TLN2: variants seen among roughly 807,000 people sequenced by gnomAD.
TLN2 encodes the protein talin-2.
In TLN2, 118 loss-of-function variants were observed where a neutral mutation model predicts 294.7. The ratio of observed to expected loss-of-function variants is 0.40; its 90% CI spans 0.34 to 0.47. The LOEUF (loss-of-function observed/expected upper bound fraction) is 0.47. Among genes scored for constraint, TLN2 ranks in the 20% least tolerant of loss-of-function variants. The pLI, the probability that TLN2 is intolerant of heterozygous loss-of-function variation, is 0.84. For synonymous variants in TLN2, 1,431 were observed against 1,304.5 expected (o/e 1.10, Z -2.09); for missense variants, 3,083 against 3,282.2 (o/e 0.94, Z 1.48).
At chr15:62,449,248 A>G (rs1463552173) in intron 1 of TLN2, among the ~76,000 whole-genome samples, 4 of 152,116 alleles carry the variant, frequency 2.6e-5, no homozygotes, top group Non-Finnish European at 4.4e-5. Context: ...GTCTGGGGCT[A>G]TAATTCCTCC....
At chr15:62,674,293 G>T (rs752774604) in intron 10 of TLN2, among the ~76,000 whole-genome samples, 2 of 152,116 alleles carry the variant, frequency 1.3e-5, no homozygotes, top group Non-Finnish European at 2.9e-5. Context: ...AAAAGTCAGA[G>T]ACTTGTCCAG....
intron 1 of TLN2, among the ~76,000 whole-genome samples, chr15:62,537,936 C>T (rs2041456153): frequency 2.0e-5 from 3 of 152,148 alleles, no homozygotes; most frequent in South Asian, 4.1e-4. Flanking sequence ...AGAGCAGCAG[C>T]CTTGGCTGGT....
At chr15:62,770,102 C>T (rs1214499954) in intron 41 of TLN2, among the ~76,000 whole-genome samples, 1 of 152,206 alleles carries the variant, frequency 6.6e-6, no homozygotes, top group Admixed American at 6.5e-5. Flanking sequence ...AGAGCCAGGG[C>T]TGTGGGGTGG....
intron 1 of TLN2, among the ~76,000 whole-genome samples, chr15:62,579,534 C>G (rs962006693): frequency 1.3e-5 from 2 of 152,180 alleles, no homozygotes; most frequent in Admixed American, 6.5e-5. Context: ...ACTCACAGTA[C>G]ACTTTGATTG....
At chr15:62,837,277 C>T (rs2069795415) in intron 57 of TLN2, among the ~76,000 whole-genome samples, 2 of 152,174 alleles carry the variant, frequency 1.3e-5, no homozygotes, top group South Asian at 4.1e-4. Context: ...TGAGGAGCTG[C>T]ATGTTCGTTT....
intron 1 of TLN2, among the ~76,000 whole-genome samples, chr15:62,513,966 C>A (rs551804310): frequency 6.6e-6 from 1 of 152,312 alleles, no homozygotes; most frequent in East Asian, 1.9e-4. Context: ...TACAAGTTAA[C>A]CCCTCCGCCC....
chr15:62,820,649 G>A, intron 54 of TLN2, 39 bp downstream of exon 54: 1 of 1,597,878 alleles, frequency 6.3e-7, no homozygotes, highest in East Asian at 2.2e-5. Flanking sequence ...GATGTCAGTG[G>A]GTTCTTCCAG....
At chr15:62,792,524 G>A (rs1223409357) in intron 45 of TLN2, 117 bp from the exon 46 acceptor site, 9 of 1,380,178 alleles carry the variant, frequency 6.5e-6, no homozygotes, top group Non-Finnish European at 7.8e-6. Flanking sequence ...CCTAATAGGA[G>A]TGGAATTTTC....
chr15:62,425,289 G>A (rs1355775945), intron 1 of TLN2, among the ~76,000 whole-genome samples: 1 of 151,866 alleles, frequency 6.6e-6, no homozygotes, highest in Admixed American at 6.6e-5. Flanking sequence ...TGATTCTAAT[G>A]TGCTGCTGCT....
At chr15:62,605,417 A>G (rs938277727) in intron 2 of TLN2, among the ~76,000 whole-genome samples, 8 of 152,216 alleles carry the variant, frequency 5.3e-5, no homozygotes, top group African/African-American at 1.7e-4. Context: ...TGGACACAGA[A>G]TCTACTCTAG....
intron 46 of TLN2, among the ~76,000 whole-genome samples, chr15:62,795,521 G>T (rs933029958): frequency 6.6e-6 from 1 of 152,238 alleles, no homozygotes; most frequent in African/African-American, 2.4e-5. Context: ...CTGAAATGAT[G>T]GTTCGGGGGT....
At chr15:62,711,879 A>G in intron 21 of TLN2, 32 bp from the exon 22 acceptor site, 7 of 1,581,316 alleles carry the variant, frequency 4.4e-6, no homozygotes, top group Non-Finnish European at 6.0e-6. Flanking sequence ...AAAAGCAGAC[A>G]AACAGACCTC....
chr15:62,741,946 C>A (rs2061353308), intron 32 of TLN2, among the ~76,000 whole-genome samples: 1 of 149,796 alleles, frequency 6.7e-6, no homozygotes, highest in Admixed American at 6.7e-5. Flanking sequence ...CCTTAAAGCT[C>A]TCCTTAGCTC....
chr15:62,545,767 G>T (rs540202777), intron 1 of TLN2, among the ~76,000 whole-genome samples: 1 of 152,306 alleles, frequency 6.6e-6, no homozygotes, highest in South Asian at 2.1e-4. Flanking sequence ...CATCCTGGCT[G>T]AGGTGTAGTG....
chr15:62,560,461 G>A (rs1387639227), intron 1 of TLN2, among the ~76,000 whole-genome samples: 1 of 152,134 alleles, frequency 6.6e-6, no homozygotes, highest in Non-Finnish European at 1.5e-5. Context: ...CGCCTAGCTG[G>A]GATTACAGGC....
chr15:62,720,954 G>A (rs1164159195), intron 25 of TLN2, among the ~76,000 whole-genome samples: 2 of 152,102 alleles, frequency 1.3e-5, no homozygotes, highest in Non-Finnish European at 2.9e-5. Flanking sequence ...TTATGACTTG[G>A]ACAAGGCATT....
chr15:62,559,737 G>A (rs1419722009), intron 1 of TLN2, among the ~76,000 whole-genome samples: 2 of 152,212 alleles, frequency 1.3e-5, no homozygotes, highest in East Asian at 3.8e-4. Flanking sequence ...GAAACAAAGG[G>A]CCTTGGGGAT....
chr15:62,459,859 G>A (rs1027178313), intron 1 of TLN2, among the ~76,000 whole-genome samples: 3 of 152,070 alleles, frequency 2.0e-5, no homozygotes, highest in African/African-American at 7.3e-5. Flanking sequence ...CAAAGCGATT[G>A]CTTTGTTACT....
At position 62,755,659 on chromosome 15, in the gene TLN2, C is replaced by T; in HGVS notation, c.4604C>T (p.Ala1535Val). 1 of 1,614,256 alleles carries T rather than the reference C, an allele frequency of 6.2e-7. No homozygotes were observed. The highest frequency in any genetic ancestry group is 1.7e-5 in the Admixed American group (1 of 60,034). Residue 1535 changes from alanine (A) to valine (V), a missense_variant, in exon 37 of 59, where the codon GCC becomes GTC. By Grantham distance (64) the Ala-to-Val change is moderately conservative. Transcript: ENST00000636159. The part of the protein sequence containing the change: ...RHFVQSAKEV[A>V]NSTANLVKTI... The stretch of plus-strand genomic sequence containing the variant: ...TTCGTCCAGTCAGCCAAGGAAGTCG[C>T]CAACAGCACTGCCAACCTGGTGAAG...
Sources: allele counts gnomAD v4.1 joint callset (sites outside exome capture counted in the v4.1 genomes callset), GRCh38; gene constraint gnomAD v4.1.1; transcripts MANE v1.5; gene names NCBI Gene and HGNC (gene_info 2026-07-23, HGNC 2026-07-21).